MYO16: variants seen among roughly 807,000 people sequenced by gnomAD.
MYO16 encodes the protein unconventional myosin-XVI.
A neutral mutation model predicts 205.3 loss-of-function variants in MYO16; 94 were observed. The ratio of observed to expected loss-of-function variants is 0.46; its 90% CI spans 0.39 to 0.54. MYO16 has a LOEUF of 0.54. Ranked by LOEUF, MYO16 falls within the 20% of genes least tolerant of loss-of-function variation. MYO16 has a pLI of 0.00. For synonymous variants in MYO16, 988 were observed against 954.0 expected (o/e 1.04, Z -0.66); for missense variants, 2,315 against 2,387.5 (o/e 0.97, Z 0.63).
At chr13:108,686,314 A>C (rs2139482235) in intron 2 of MYO16, among the ~76,000 whole-genome samples, 1 of 152,358 alleles carries the variant, frequency 6.6e-6, no homozygotes, top group South Asian at 2.1e-4. Context: ...CAGGAGATTT[A>C]AGTAGGCCTT....
At chr13:109,082,230 C>T (rs7993081) in intron 27 of MYO16, among the ~76,000 whole-genome samples, 20,849 of 152,034 alleles carry the variant, frequency 0.14, 1,727 homozygotes, top group East Asian at 0.42. Flanking sequence ...AGGAGGAGCA[C>T]CCCGTTCCCC....
At chr13:109,062,661 T>G (rs1887629959) in intron 27 of MYO16, among the ~76,000 whole-genome samples, 1 of 152,138 alleles carries the variant, frequency 6.6e-6, no homozygotes, top group Admixed American at 6.5e-5. Flanking sequence ...AGAGAGATTA[T>G]CAGTTTCTGT....
At chr13:108,656,470 C>T (rs1881250166) in intron 1 of MYO16, among the ~76,000 whole-genome samples, 1 of 152,104 alleles carries the variant, frequency 6.6e-6, no homozygotes, top group African/African-American at 2.4e-5. Flanking sequence ...TATACCAGGT[C>T]AGCGGGGGAT....
the MYO16 span, among the ~76,000 whole-genome samples, chr13:108,574,100 G>A: frequency 6.6e-6 from 1 of 152,132 alleles, no homozygotes; most frequent in Non-Finnish European, 1.5e-5. Flanking sequence ...CCATCCTCCT[G>A]CCTCAGCCTC....
intron 33 of MYO16, 50 bp downstream of exon 33, chr13:109,165,109 A>G (rs755076019): frequency 7.1e-7 from 1 of 1,400,172 alleles, no homozygotes; most frequent in Non-Finnish European, 9.8e-7. Flanking sequence ...TTTAGGCTGT[A>G]TCAACTTTCT....
At chr13:109,077,293 T>G (rs1346561712) in intron 27 of MYO16, among the ~76,000 whole-genome samples, 1 of 152,182 alleles carries the variant, frequency 6.6e-6, no homozygotes, top group Non-Finnish European at 1.5e-5. Context: ...ATGCTGTGAT[T>G]ACAGGTGTGA....
chr13:109,045,756 T>A (rs557657065), intron 23 of MYO16, among the ~76,000 whole-genome samples: 1 of 152,200 alleles, frequency 6.6e-6, no homozygotes, highest in Non-Finnish European at 1.5e-5. Flanking sequence ...ATCACCCACC[T>A]TTTCCAGGTC....
intron 29 of MYO16, among the ~76,000 whole-genome samples, chr13:109,123,376 C>A (rs537538856): frequency 6.6e-6 from 1 of 152,294 alleles, no homozygotes; most frequent in East Asian, 1.9e-4. Context: ...TTAATCTTCT[C>A]TTTATTCCAA....
chr13:108,650,228 T>A (rs186864491), intron 1 of MYO16, among the ~76,000 whole-genome samples: 1 of 152,162 alleles, frequency 6.6e-6, no homozygotes, highest in Non-Finnish European at 1.5e-5. Flanking sequence ...CACACATACA[T>A]ACATACTTTT....
intron 27 of MYO16, among the ~76,000 whole-genome samples, chr13:109,087,819 A>G (rs1213004500): frequency 6.6e-6 from 1 of 152,190 alleles, no homozygotes; most frequent in Admixed American, 6.5e-5. Context: ...CTTGGTGAAT[A>G]TTTGATTAAG....
At chr13:109,006,884 C>T (rs1885403707) in intron 21 of MYO16, among the ~76,000 whole-genome samples, 1 of 152,010 alleles carries the variant, frequency 6.6e-6, no homozygotes, top group African/African-American at 2.4e-5. Context: ...CTGGACACTC[C>T]AATATGAGCA....
chr13:108,777,875 GAAGT>G (rs1462417208), intron 4 of MYO16, among the ~76,000 whole-genome samples: 2 of 152,204 alleles, frequency 1.3e-5, no homozygotes, highest in Admixed American at 6.5e-5. Context: ...TTCAGCCACA[GAAGT>G]AATATCTGCA....
chr13:108,658,659 T>C (rs1198063744), intron 1 of MYO16, among the ~76,000 whole-genome samples: 1 of 152,196 alleles, frequency 6.6e-6, no homozygotes, highest in Non-Finnish European at 1.5e-5. Flanking sequence ...CCATGCTTTA[T>C]GTAGAATTGG....
At chr13:108,948,183 G>A (rs1883006281) in intron 16 of MYO16, among the ~76,000 whole-genome samples, 1 of 152,196 alleles carries the variant, frequency 6.6e-6, no homozygotes, top group South Asian at 2.1e-4. Context: ...CTTGGCCATC[G>A]TCATTAGCAA....
At chr13:108,743,607 T>C (rs1884974595) in intron 4 of MYO16, among the ~76,000 whole-genome samples, 1 of 152,188 alleles carries the variant, frequency 6.6e-6, no homozygotes, top group South Asian at 2.1e-4. Context: ...TACTGGAAAT[T>C]GCAGGGAACA....
chr13:108,500,863 C>T, the MYO16 span, among the ~76,000 whole-genome samples: 1 of 152,120 alleles, frequency 6.6e-6, no homozygotes, highest in African/African-American at 2.4e-5. Flanking sequence ...CTGCTCCTCC[C>T]CATGACAGAC....
chr13:109,114,461 A>G (rs1299757147), intron 28 of MYO16, among the ~76,000 whole-genome samples: 2 of 152,202 alleles, frequency 1.3e-5, no homozygotes, highest in Admixed American at 6.5e-5. Context: ...GACTGTGTGA[A>G]TGTCATACGT....
intron 1 of MYO16, among the ~76,000 whole-genome samples, chr13:108,661,230 T>G (rs1881487025): frequency 6.6e-6 from 1 of 152,194 alleles, no homozygotes; most frequent in Non-Finnish European, 1.5e-5. Flanking sequence ...TTACTTCATC[T>G]TAACTTTAGA....
chr13:109,166,823 T>C (rs532830054), intron 33 of MYO16: 34 of 152,302 alleles, frequency 2.2e-4, no homozygotes, highest in African/African-American at 7.9e-4. Context: ...CTGTGCAAAA[T>C]ATTACTCCCA....
Sources: allele counts gnomAD v4.1 joint callset (sites outside exome capture counted in the v4.1 genomes callset), GRCh38; gene constraint gnomAD v4.1.1; transcripts MANE v1.5; gene names NCBI Gene and HGNC (gene_info 2026-07-23, HGNC 2026-07-21).